The following GPC5 variants were observed in gnomAD, a reference collection of about 807,000 sequenced individuals.
The protein encoded by GPC5 is glypican-5.
Under a neutral mutation model 53.9 loss-of-function variants are expected in GPC5, and 47 were observed. The ratio of observed to expected loss-of-function variants is 0.87; its 90% CI spans 0.69 to 1.11. The LOEUF (loss-of-function observed/expected upper bound fraction) is 1.11, where lower values mean the gene tolerates loss of function less well. Among genes scored for constraint, GPC5 ranks in the 50% most tolerant of loss-of-function variants. The pLI, the probability that GPC5 is intolerant of heterozygous loss-of-function variation, is 0.00. For missense variants in GPC5, 748 were observed against 713.1 expected (o/e 1.05, Z -0.56); for synonymous variants, 286 against 263.3 (o/e 1.09, Z -0.84).
chr13:92,157,109 T>A (rs952837777), intron 7 of GPC5, among the ~76,000 whole-genome samples: 6 of 152,200 alleles, frequency 3.9e-5, no homozygotes, highest in Non-Finnish European at 8.8e-5. Flanking sequence ...GCACCAGCAC[T>A]CCAAGTAGAC....
chr13:91,815,260 C>T (rs1449677408), intron 5 of GPC5, among the ~76,000 whole-genome samples: 1 of 152,068 alleles, frequency 6.6e-6, no homozygotes, highest in African/African-American at 2.4e-5. Flanking sequence ...GTGGTATGCA[C>T]TTGTAGTCCC....
At chr13:91,456,950 A>G (rs1180318423) in intron 2 of GPC5, among the ~76,000 whole-genome samples, 1 of 151,392 alleles carries the variant, frequency 6.6e-6, no homozygotes, top group Non-Finnish European at 1.5e-5. Context: ...TTCCCTATTT[A>G]TAAGAGGCTG....
chr13:92,153,260 C>T (rs980287512), intron 7 of GPC5, among the ~76,000 whole-genome samples: 14 of 152,098 alleles, frequency 9.2e-5, no homozygotes, highest in African/African-American at 3.4e-4. Context: ...TCCAGAGTAG[C>T]TAGGATTACA....
intron 7 of GPC5, among the ~76,000 whole-genome samples, chr13:92,799,351 A>T (rs1043876504): frequency 1.3e-5 from 2 of 151,816 alleles, no homozygotes; most frequent in Non-Finnish European, 2.9e-5. Context: ...TTATGTATTT[A>T]TTCACTCTAA....
At chr13:92,199,172 G>GT (rs2042277368) in intron 7 of GPC5, among the ~76,000 whole-genome samples, 1 of 152,180 alleles carries the variant, frequency 6.6e-6, no homozygotes, top group Non-Finnish European at 1.5e-5. Flanking sequence ...TATTACTTCT[G>GT]TAAAACATGC....
chr13:91,617,232 C>G (rs547617763), intron 2 of GPC5, among the ~76,000 whole-genome samples: 4 of 152,114 alleles, frequency 2.6e-5, no homozygotes, highest in African/African-American at 9.7e-5. Flanking sequence ...AAATTATTGG[C>G]TCAATGTGGC....
intron 2 of GPC5, among the ~76,000 whole-genome samples, chr13:91,504,004 C>T (rs1378704416): frequency 2.0e-5 from 3 of 151,694 alleles, no homozygotes; most frequent in Admixed American, 2.0e-4. Context: ...GGATTTATTT[C>T]AAGATCTCCA....
At chr13:91,935,601 T>A (rs2039862915) in intron 6 of GPC5, among the ~76,000 whole-genome samples, 1 of 151,982 alleles carries the variant, frequency 6.6e-6, no homozygotes, top group Admixed American at 6.6e-5. Context: ...TGTTATAGGA[T>A]CCTGAACAGA....
chr13:91,874,551 C>T (rs992234697), intron 5 of GPC5, among the ~76,000 whole-genome samples: 2 of 152,080 alleles, frequency 1.3e-5, no homozygotes, highest in African/African-American at 2.4e-5. Flanking sequence ...ATTTTGACTA[C>T]CCTTCTGTTG....
At chr13:92,483,104 TC>T (rs1291550519) in intron 7 of GPC5, among the ~76,000 whole-genome samples, 1 of 152,194 alleles carries the variant, frequency 6.6e-6, no homozygotes, top group Admixed American at 6.5e-5. Flanking sequence ...GAGGAAACCG[TC>T]CCCATGATTC....
At chr13:92,293,798 T>C (rs2043014890) in intron 7 of GPC5, among the ~76,000 whole-genome samples, 1 of 152,244 alleles carries the variant, frequency 6.6e-6, no homozygotes, top group East Asian at 1.9e-4. Flanking sequence ...TTCAACTTTT[T>C]CCCATTCAAT....
chr13:91,464,966 A>AT lies in GPC5; in HGVS notation c.325+16053dup, dbSNP rs557550849. ...AAGGGTGCAAGGGACTTCTCTGTAC[A>AT]TTTTTTTTTCTTTGCAGCATCATCT... On this transcript the variant is annotated intron_variant, in intron 2 of 7. Transcript: ENST00000377067. Among the ~76,000 whole-genome samples, 34 of 152,152 alleles carry AT rather than the reference A, an allele frequency of 2.2e-4. 1 individual carries two copies. In the South Asian group the frequency reaches 6.6e-3, roughly 30 times the overall value.
At chr13:92,025,885 T>G (rs2040797158) in intron 6 of GPC5, among the ~76,000 whole-genome samples, 1 of 152,184 alleles carries the variant, frequency 6.6e-6, no homozygotes, top group East Asian at 1.9e-4. Context: ...AGAAAAATGC[T>G]GTAGTAAAGT....
chr13:92,038,324 T>C (rs1309931065), intron 6 of GPC5, among the ~76,000 whole-genome samples: 2 of 150,990 alleles, frequency 1.3e-5, no homozygotes, highest in Admixed American at 1.3e-4. Context: ...TGTATAAGAT[T>C]GGAGTTTATG....
intron 6 of GPC5, among the ~76,000 whole-genome samples, chr13:91,972,061 T>C (rs2040247752): frequency 6.6e-6 from 1 of 152,214 alleles, no homozygotes; most frequent in Non-Finnish European, 1.5e-5. Context: ...ATGTTGACAG[T>C]GGGGTGTTAA....
At chr13:91,763,272 TC>T (rs981766868) in intron 5 of GPC5, among the ~76,000 whole-genome samples, 1 of 151,832 alleles carries the variant, frequency 6.6e-6, no homozygotes, top group East Asian at 1.9e-4. Context: ...TGATTTTTTC[TC>T]CCCCCCGGAC....
chr13:91,844,808 C>T (rs1472159663), intron 5 of GPC5, among the ~76,000 whole-genome samples: 1 of 152,088 alleles, frequency 6.6e-6, no homozygotes, highest in African/African-American at 2.4e-5. Context: ...TTGCTGCAAC[C>T]TCCACCTCCC....
At chr13:91,978,857 C>T (rs1282320255) in intron 6 of GPC5, among the ~76,000 whole-genome samples, 1 of 151,980 alleles carries the variant, frequency 6.6e-6, no homozygotes, top group African/African-American at 2.4e-5. Context: ...ATGATAATGG[C>T]TTGGAATAAG....
chr13:91,654,669 G>A (rs889062954), intron 2 of GPC5, among the ~76,000 whole-genome samples: 1 of 152,120 alleles, frequency 6.6e-6, no homozygotes, highest in African/African-American at 2.4e-5. Flanking sequence ...CGGTAACAAT[G>A]TTTTGGAAAC....
Sources: gnomAD v4.1 joint callset for allele counts (sites outside exome capture counted in the v4.1 genomes callset) on GRCh38, gnomAD v4.1.1 for gene constraint, MANE v1.5 for transcripts, NCBI Gene and HGNC (gene_info 2026-07-23, HGNC 2026-07-21) for gene names.